Variants in CELF2 observed in about 807,000 individuals in gnomAD.
The protein encoded by CELF2 is CUGBP Elav-like family member 2, also known as CUG triplet repeat RNA-binding protein 2.
CELF2 carries 8 observed loss-of-function variants against 62.6 expected under a neutral mutation model. The ratio of observed to expected loss-of-function variants is 0.13; its 90% CI spans 0.07 to 0.23. The LOEUF (loss-of-function observed/expected upper bound fraction) is 0.23. Among genes scored for constraint, CELF2 ranks in the 10% least tolerant of loss-of-function variants. The pLI is 1.00. For missense variants in CELF2, 333 were observed against 671.0 expected (o/e 0.50, Z 5.56); for synonymous variants, 258 against 250.0 (o/e 1.03, Z -0.30).
At chr10:10,676,513 C>G in the CELF2 span, among the ~76,000 whole-genome samples, 4 of 152,182 alleles carry the variant, frequency 2.6e-5, no homozygotes, top group African/African-American at 9.6e-5. Flanking sequence ...AGATTTTTCT[C>G]TTACATTCAC....
intron 1 of CELF2, among the ~76,000 whole-genome samples, chr10:10,848,276 G>A (rs2059141765): frequency 6.6e-6 from 1 of 152,166 alleles, no homozygotes; most frequent in Admixed American, 6.5e-5. Flanking sequence ...TCTTGACTTA[G>A]GGAGTAGAGC....
the CELF2 span, among the ~76,000 whole-genome samples, chr10:10,705,472 C>T: frequency 1.3e-5 from 2 of 151,426 alleles, no homozygotes; most frequent in Non-Finnish European, 2.9e-5. Flanking sequence ...GGATGAAAGG[C>T]TGTGATTGAA....
At chr10:10,605,652 C>A in the CELF2 span, among the ~76,000 whole-genome samples, 1 of 152,160 alleles carries the variant, frequency 6.6e-6, no homozygotes, top group African/African-American at 2.4e-5. Flanking sequence ...CCAATTTGAT[C>A]CCATTGTATA....
intron 1 of CELF2, among the ~76,000 whole-genome samples, chr10:10,883,472 T>C (rs1260367465): frequency 6.6e-6 from 1 of 152,212 alleles, no homozygotes; most frequent in Non-Finnish European, 1.5e-5. Flanking sequence ...TAAATGTGTG[T>C]TGTCTACGGA....
At chr10:11,320,825 GGTT>G in intron 10 of CELF2, 1 of 1,199,178 alleles carries the variant, frequency 8.3e-7, no homozygotes, top group East Asian at 2.6e-5. Context: ...CTGCTACTAA[GGTT>G]TTTTTTTTTT....
At chr10:10,690,225 C>T in the CELF2 span, among the ~76,000 whole-genome samples, 1 of 152,134 alleles carries the variant, frequency 6.6e-6, no homozygotes, top group Non-Finnish European at 1.5e-5. Context: ...GCACCTTTCC[C>T]TTTGTGACTG....
chr10:10,657,572 C>T, the CELF2 span, among the ~76,000 whole-genome samples: 88 of 152,120 alleles, frequency 5.8e-4, 1 homozygote, highest in East Asian at 0.016. Flanking sequence ...GTGACTAATT[C>T]CCACAACACA....
rs2056895497 is a variant in CELF2 at position 11,117,880 on chromosome 10, C to T, written c.75-47606C>T. 6.6e-6 allele frequency among the ~76,000 whole-genome samples: 1 copy of T among 152,096 alleles called. No homozygotes were observed. The highest frequency in any genetic ancestry group is 1.5e-5 in the Non-Finnish European group (1 of 67,998). ...GATAGGCCATGTCACTCCTCACAGC[C>T]TTTTTCTGCGCTATCCTTTTATACA... On this transcript the variant is annotated intron_variant, in intron 1 of 12. Transcript: ENST00000633077. The surrounding 1 kb of genome is among the most constrained non-coding windows in gnomAD (Gnocchi z 4.1).
At chr10:11,119,861 G>GCCCCCCCCC (rs753268131) in intron 1 of CELF2, among the ~76,000 whole-genome samples, 1 of 103,036 alleles carries the variant, frequency 9.7e-6, no homozygotes, top group African/African-American at 4.0e-5. Flanking sequence ...GCTTGATTCC[G>GCCCCCCCCC]CCTCCCCCCC....
At chr10:10,913,038 A>C (rs1196343542) in intron 1 of CELF2, among the ~76,000 whole-genome samples, 3 of 152,232 alleles carry the variant, frequency 2.0e-5, no homozygotes, top group African/African-American at 7.2e-5. Flanking sequence ...GAACAGTTCC[A>C]TGAATGTGTG....
chr10:11,085,675 C>T (rs1216933616), intron 1 of CELF2, among the ~76,000 whole-genome samples: 1 of 151,702 alleles, frequency 6.6e-6, no homozygotes, highest in Non-Finnish European at 1.5e-5. Context: ...CGGTCTGGTT[C>T]AGGGCCTGCA....
chr10:11,234,282 G>T (rs1313999475), intron 3 of CELF2, among the ~76,000 whole-genome samples: 1 of 152,200 alleles, frequency 6.6e-6, no homozygotes, highest in Non-Finnish European at 1.5e-5. Flanking sequence ...CATTGTCAGA[G>T]CCCGGCTTAA....
At chr10:10,697,000 G>A in the CELF2 span, among the ~76,000 whole-genome samples, 2 of 152,114 alleles carry the variant, frequency 1.3e-5, no homozygotes, top group Non-Finnish European at 2.9e-5. Flanking sequence ...GCCATCTTGC[G>A]ATTATGGTGA....
chr10:11,011,521 C>T lies in CELF2; in HGVS notation c.53+6081C>T, dbSNP rs990337441. ...AGCTTCATCTCCTTTCTTCCTCAGA[C>T]CCTAATGTCATTTACATCTCTCCTC... On this transcript the variant is annotated intron_variant, in intron 1 of 12. Transcript: ENST00000416382. This position sits in a 1 kb window ranked among gnomAD's most constrained non-coding sequence, Gnocchi z 4.6. Among the ~76,000 whole-genome samples, 12 of 151,780 alleles carry T rather than the reference C, an allele frequency of 7.9e-5. No homozygotes were observed. The highest frequency in any genetic ancestry group is 6.6e-4 in the Admixed American group (10 of 15,246).
rs758735409 is a variant in CELF2, at chr10:11,305,585, C to T, written c.977-8554C>T. On this transcript the variant is annotated intron_variant, in intron 9 of 12. Coordinates refer to ENST00000633077, the MANE Select transcript of CELF2 (RefSeq NM_001326342.2). The surrounding 1 kb of genome is among the most constrained non-coding windows in gnomAD (Gnocchi z 4.8). ...AGAAGGAAGGTTGGGGGGTTCAGCT[C>T]TCAGCTCTGTTGGAGATATTATACG... Among the ~76,000 whole-genome samples, 3 of 152,206 alleles carry T rather than the reference C, an allele frequency of 2.0e-5. No homozygotes were observed. The highest frequency in any genetic ancestry group is 4.4e-5 in the Non-Finnish European group (3 of 68,038).
At chr10:10,640,637 A>C in the CELF2 span, among the ~76,000 whole-genome samples, 1 of 152,210 alleles carries the variant, frequency 6.6e-6, no homozygotes, top group South Asian at 2.1e-4. Context: ...CTGAATTTCT[A>C]AGACCAGCAT....
chr10:11,008,339 C>T lies in CELF2; in HGVS notation c.53+2899C>T, dbSNP rs773527024. ...TTGGGAATATTCACATAGATGTGTT[C>T]AGCAGACCACAGACTGAGATCTCTA... On this transcript the variant is annotated intron_variant, in intron 1 of 12. Coordinates refer to the CELF2 transcript ENST00000416382. The surrounding 1 kb of genome is among the most constrained non-coding windows in gnomAD (Gnocchi z 4.5). Among the ~76,000 whole-genome samples, 2 of 152,200 alleles carry T rather than the reference C, an allele frequency of 1.3e-5. No homozygotes were observed. Among genetic ancestry groups the T allele is most frequent in the Non-Finnish European group, 2.9e-5 (2 of 68,046 alleles).
At chr10:11,193,991 C>T (rs964017105) in intron 2 of CELF2, among the ~76,000 whole-genome samples, 3 of 152,108 alleles carry the variant, frequency 2.0e-5, no homozygotes, top group African/African-American at 7.2e-5. Flanking sequence ...ACAAGACTTA[C>T]AGTGTTGAAA....
chr10:10,727,594 G>A, the CELF2 span, among the ~76,000 whole-genome samples: 2 of 152,110 alleles, frequency 1.3e-5, no homozygotes, highest in East Asian at 3.9e-4. Flanking sequence ...GGCTAACACA[G>A]TGAAACCCCG....
Sources: gnomAD v4.1 joint callset for allele counts (sites outside exome capture counted in the v4.1 genomes callset) on GRCh38, gnomAD v4.1.1 for gene constraint, Gnocchi (gnomAD v3.1) non-coding constraint, MANE v1.5 for transcripts, NCBI Gene and HGNC (gene_info 2026-07-23, HGNC 2026-07-21) for gene names.